The following NRG3 variants were observed in gnomAD, a reference collection of about 807,000 sequenced individuals.
NRG3 encodes neuregulin 3.
In NRG3, 31 loss-of-function variants were observed where a neutral mutation model predicts 66.9. The ratio of observed to expected loss-of-function variants is 0.46; its 90% CI spans 0.35 to 0.63. NRG3 has a LOEUF of 0.63. NRG3 is among the 20% of genes least tolerant of loss of function. The pLI is 0.00. For synonymous variants in NRG3, 393 were observed against 359.4 expected (o/e 1.09, Z -1.06); for missense variants, 910 against 878.9 (o/e 1.04, Z -0.45).
chr10:82,457,026 A>G (rs1679918892), intron 2 of NRG3, among the ~76,000 whole-genome samples: 1 of 152,154 alleles, frequency 6.6e-6, no homozygotes, highest in Non-Finnish European at 1.5e-5. Flanking sequence ...TCAAAGTGCT[A>G]GACAGTATTA....
At chr10:82,624,783 G>A (rs1026920446) in intron 2 of NRG3, among the ~76,000 whole-genome samples, 4 of 147,644 alleles carry the variant, frequency 2.7e-5, no homozygotes, top group African/African-American at 9.8e-5. Flanking sequence ...CCAGGTTGGT[G>A]CTTTTTAATG....
chr10:81,877,964 G>T (rs1345351112), intron 1 of NRG3: 1 of 1,537,600 alleles, frequency 6.5e-7, no homozygotes. Context: ...TAGAATAATG[G>T]AGTGTGGTAT....
At chr10:82,863,195 C>CT (rs2064228808) in intron 3 of NRG3, among the ~76,000 whole-genome samples, 1 of 151,830 alleles carries the variant, frequency 6.6e-6, no homozygotes, top group African/African-American at 2.4e-5. Context: ...TGATCTCATT[C>CT]TTTTTTATGA....
At chr10:82,145,932 G>T (rs921654185) in intron 1 of NRG3, among the ~76,000 whole-genome samples, 1 of 152,080 alleles carries the variant, frequency 6.6e-6, no homozygotes, top group African/African-American at 2.4e-5. Flanking sequence ...TGCCTAGAAG[G>T]TCAGTGAACC....
intron 3 of NRG3, among the ~76,000 whole-genome samples, chr10:82,783,245 A>G (rs1191309167): frequency 6.6e-6 from 1 of 151,598 alleles, no homozygotes; most frequent in Non-Finnish European, 1.5e-5. Context: ...CCCACAGCCA[A>G]TATCATACTG....
chr10:82,100,378 T>G (rs1285969804), intron 1 of NRG3, among the ~76,000 whole-genome samples: 1 of 152,130 alleles, frequency 6.6e-6, no homozygotes, highest in Admixed American at 6.5e-5. Flanking sequence ...CTTCCTTTTT[T>G]TCAGCCTTTT....
chr10:81,889,881 A>G (rs1337495748), intron 1 of NRG3, among the ~76,000 whole-genome samples: 1 of 152,226 alleles, frequency 6.6e-6, no homozygotes, highest in East Asian at 1.9e-4. Context: ...CATCAAATCC[A>G]AATCTGTGTT....
intron 2 of NRG3, among the ~76,000 whole-genome samples, chr10:82,735,191 CT>C (rs1231302511): frequency 6.6e-6 from 1 of 152,058 alleles, no homozygotes. Flanking sequence ...ACTGAGTTTG[CT>C]GTATGGTTAT....
At chr10:82,004,490 T>C (rs946224728) in intron 1 of NRG3, among the ~76,000 whole-genome samples, 2 of 152,154 alleles carry the variant, frequency 1.3e-5, no homozygotes, top group Admixed American at 6.5e-5. Context: ...CAGGTAGTCA[T>C]CATCAATCTA....
chr10:82,339,879 C>T (rs1011823134), intron 1 of NRG3, among the ~76,000 whole-genome samples: 1 of 151,956 alleles, frequency 6.6e-6, no homozygotes, highest in Non-Finnish European at 1.5e-5. Context: ...TTCTGTCGTG[C>T]AGCTATCAAT....
chr10:82,732,018 C>T (rs879429755), intron 2 of NRG3, among the ~76,000 whole-genome samples: 4 of 152,054 alleles, frequency 2.6e-5, no homozygotes, highest in Admixed American at 6.5e-5. Context: ...CCACAAATAA[C>T]ATAAGGTACA....
rs1389273350 is a variant in NRG3 at position 81,943,920 on chromosome 10, C to CTTACACTTACA, written c.823+67757_823+67758insTTACACTTACA. 8.5e-5 allele frequency among the ~76,000 whole-genome samples: 13 copies of CTTACACTTACA among 152,298 alleles called. No individual in the cohort carries two copies. The South Asian group carries it at 2.7e-3, about 32-fold the overall frequency. On this transcript the variant is annotated intron_variant, in intron 1 of 8. Transcript: ENST00000372141. ...CATGGGAACTACAGATGACTTACCA[C>CTTACACTTACA]ATTGTGACAAGTGTAGTCTCCACAG...
At chr10:82,360,276 T>G (rs976199036) in intron 2 of NRG3, among the ~76,000 whole-genome samples, 1 of 152,178 alleles carries the variant, frequency 6.6e-6, no homozygotes, top group East Asian at 1.9e-4. Context: ...ATTAAGACCT[T>G]AAGGGAAAAT....
chr10:82,284,954 T>C (rs1054901974), intron 1 of NRG3, among the ~76,000 whole-genome samples: 2 of 152,224 alleles, frequency 1.3e-5, no homozygotes, highest in Non-Finnish European at 1.5e-5. Context: ...CCATTTGGCT[T>C]TAAATTAATA....
At chr10:82,815,649 G>C (rs975391830) in intron 3 of NRG3, among the ~76,000 whole-genome samples, 1 of 152,016 alleles carries the variant, frequency 6.6e-6, no homozygotes, top group Non-Finnish European at 1.5e-5. Flanking sequence ...GATCCTCCAG[G>C]TGTCACTTCA....
chr10:82,209,495 AT>A (rs1470333718), intron 1 of NRG3, among the ~76,000 whole-genome samples: 1 of 152,146 alleles, frequency 6.6e-6, no homozygotes, highest in East Asian at 1.9e-4. Flanking sequence ...GATTATGTTT[AT>A]TTAATAACCA....
chr10:82,674,283 T>C lies in NRG3; in HGVS notation c.954-64294T>C, dbSNP rs893103268. Among the ~76,000 whole-genome samples, 20 of 152,344 alleles carry C rather than the reference T, an allele frequency of 1.3e-4. 1 individual carries two copies. Among genetic ancestry groups the C allele is most frequent in the Admixed American group, 1.2e-3 (18 of 15,310 alleles). ...ACATTCTTGCCTATTAATCTCTTCC[T>C]GCATGTTACTACATAAACTTTCCAC... On this transcript the variant is annotated intron_variant, in intron 2 of 8. Coordinates refer to ENST00000372141, the MANE Select transcript of NRG3 (RefSeq NM_001010848.4).
At chr10:82,578,541 G>A (rs2046170505) in intron 2 of NRG3, among the ~76,000 whole-genome samples, 1 of 151,472 alleles carries the variant, frequency 6.6e-6, no homozygotes. Context: ...TTATTATAAG[G>A]TAAAGGTAGT....
At chr10:82,189,632 T>TA (rs2074015855) in intron 1 of NRG3, among the ~76,000 whole-genome samples, 1 of 151,930 alleles carries the variant, frequency 6.6e-6, no homozygotes, top group Non-Finnish European at 1.5e-5. Context: ...TCTACTAAAA[T>TA]ACAAAAAATT....
Sources: allele counts gnomAD v4.1 joint callset (sites outside exome capture counted in the v4.1 genomes callset), GRCh38; gene constraint gnomAD v4.1.1; transcripts MANE v1.5; gene names NCBI Gene and HGNC (gene_info 2026-07-23, HGNC 2026-07-21).